Variants in OR2V2 observed in about 807,000 individuals in gnomAD.
OR2V2 encodes the protein olfactory receptor family 2 subfamily V member 2.
For missense variants in OR2V2, 392 were observed against 392.2 expected (o/e 1.00, Z 0.00); for synonymous variants, 161 against 151.3 (o/e 1.06, Z -0.47).
intron 1 of OR2V2, among the ~76,000 whole-genome samples, chr5:181,151,849 G>C (rs115868127): frequency 0.022 from 3,320 of 152,008 alleles, 59 homozygotes; most frequent in Middle Eastern, 0.044. Context: ...GCTAGGTGTG[G>C]TGGTGTGCGC....
intron 1 of OR2V2, among the ~76,000 whole-genome samples, chr5:181,151,107 G>A (rs766771632): frequency 1.3e-5 from 2 of 152,206 alleles, no homozygotes; most frequent in African/African-American, 2.4e-5. Flanking sequence ...CAGAAGACAC[G>A]TGGGGGAGAC....
chr5:181,155,230 G>A lies in OR2V2; in HGVS notation c.288G>A (p.Val96=). ...FLSGRKSISF[V]GCGIQIGLFV... ...CTGGCAGGAAGTCCATCTCCTTTGT[G>A]GGCTGTGGCATACAAATTGGCCTCT... The change falls in exon 2 of 2, where the codon GTG becomes GTA. Residue 96 remains valine (V), a synonymous_variant. Coordinates refer to ENST00000641492, the MANE Select transcript of OR2V2 (RefSeq NM_206880.2). The A allele has an allele frequency of 6.2e-7, 1 of 1,613,894 alleles. No individual in the cohort carries two copies.
rs116553884 is a variant in OR2V2 at position 181,150,271 on chromosome 5, C to T, written c.-25+2276C>T. On this transcript the variant is annotated intron_variant, in intron 1 of 1. Transcript: ENST00000641492. ...TGGGCAGGCGCATAAGAGTTGAGGA[C>T]ATTACTCCAGCTCTTTGCACAAAGA... Among the ~76,000 whole-genome samples, 494 of 152,330 alleles carry T rather than the reference C, an allele frequency of 3.2e-3. 4 individuals are homozygous for T. The highest frequency in any genetic ancestry group is 0.011 in the African/African-American group (467 of 41,576).
rs1763296258 is a variant in OR2V2 at position 181,158,562 on chromosome 5, G to C, written c.*2672G>C. On this transcript the variant is annotated 3_prime_UTR_variant, in exon 2 of 2. Coordinates refer to ENST00000641492, the MANE Select transcript of OR2V2 (RefSeq NM_206880.2). Reference sequence around the variant, plus strand: ...GGATTGCTTGAGCTTAGGAGGCTGAGGCTGCAATGACCCATGATCATGCCA... The same window carrying C: ...GGATTGCTTGAGCTTAGGAGGCTGACGCTGCAATGACCCATGATCATGCCA... The C allele has an allele frequency of 2.0e-5, 3 of 152,218 alleles. No individual in the cohort carries two copies. The highest frequency in any genetic ancestry group is 4.4e-5 in the Non-Finnish European group (3 of 68,058). The allele number at this position is 152,218 out of a possible 1,614,324, so 9.4% of individuals were successfully genotyped here. A position where few individuals can be genotyped will look rare whatever the true frequency, so the allele number is the denominator to read the frequency against.
In OR2V2 at chr5:181,154,851, GAA is replaced by G. The variant is rs558599803; in HGVS notation, c.-24-67_-24-66del. The G allele has an allele frequency of 4.4e-4, 391 of 883,612 alleles. 2 individuals carry two copies. The African/African-American group carries it at 6.0e-3, about 14-fold the overall frequency. The allele number at this position is 883,612 out of a possible 1,614,324, so 54.7% of individuals were successfully genotyped here. A position where few individuals can be genotyped will look rare whatever the true frequency, so the allele number is the denominator to read the frequency against. On this transcript the variant is annotated intron_variant, in intron 1 of 1. Coordinates refer to ENST00000641492, the MANE Select transcript of OR2V2 (RefSeq NM_206880.2). Reference sequence around the variant, plus strand: ...TGAGTTGCACACAACACAGCTGACTGAAGACATAGCAGCAGAGGTCTATAAAG... The same window carrying G: ...TGAGTTGCACACAACACAGCTGACTGGACATAGCAGCAGAGGTCTATAAAG...
rs780989859 is a variant in OR2V2 at position 181,155,802 on chromosome 5, A to G, written c.860A>G (p.Asn287Ser). The change falls in exon 2 of 2, where the codon AAC becomes AGC. Residue 287 changes from asparagine to serine, a missense_variant. Transcript: ENST00000641492. Reference protein sequence around the residue: ...IFYTVLTPMLNPLIYSLRNRE... With the variant: ...IFYTVLTPMLSPLIYSLRNRE... The stretch of plus-strand genomic sequence containing the variant: ...TACACGGTCCTTACTCCCATGCTCA[A>G]CCCCCTCATTTACAGCTTGAGGAAC... The G allele has an allele frequency of 1.3e-5, 21 of 1,613,690 alleles. No individual in the cohort carries two copies. The highest frequency in any genetic ancestry group is 1.7e-5 in the Non-Finnish European group (20 of 1,179,944).
intron 1 of OR2V2, among the ~76,000 whole-genome samples, 152 bp downstream of exon 1, chr5:181,148,147 G>A (rs1763148207): frequency 6.6e-6 from 1 of 152,046 alleles, no homozygotes; most frequent in African/African-American, 2.4e-5. Flanking sequence ...GGATTTTTGG[G>A]GGGGCATCCG....
At chr5:181,152,209 C>T (rs542015820) in intron 1 of OR2V2, among the ~76,000 whole-genome samples, 2 of 152,284 alleles carry the variant, frequency 1.3e-5, no homozygotes, top group South Asian at 4.1e-4. Flanking sequence ...AACGGAGGCT[C>T]TGAGAAGCTG....
In OR2V2 at chr5:181,155,361, G is replaced by T. The variant is rs760468337; in HGVS notation, c.419G>T (p.Arg140Met). Residue 140 changes from arginine (R) to methionine (M), a missense_variant, in exon 2 of 2, where the codon AGG becomes ATG. Physicochemically the swap from Arg to Met is moderately conservative, Grantham distance 91 (BLOSUM62 -1). Transcript: ENST00000641492. Reference sequence around the variant, plus strand: ...CACTATCCCATCCTCATGAATCAGAGGGTCTGTCTCCAGATTACTGGGAGC... The same window carrying T: ...CACTATCCCATCCTCATGAATCAGATGGTCTGTCTCCAGATTACTGGGAGC... The part of the protein sequence containing the change: ...PLHYPILMNQ[R>M]VCLQITGSSW... 28 of 1,614,028 alleles carry T rather than the reference G, an allele frequency of 1.7e-5. No homozygotes were observed. The highest frequency in any genetic ancestry group is 2.3e-5 in the Non-Finnish European group (27 of 1,180,026).
Position 181,153,092 on chromosome 5 carries a change from G to A in OR2V2, c.-24-1827G>A, listed in dbSNP as rs144672458. On this transcript the variant is annotated intron_variant, in intron 1 of 1. Coordinates refer to ENST00000641492, the MANE Select transcript of OR2V2 (RefSeq NM_206880.2). ...TAAAGGGACAAACAAATCGGAAGGA[G>A]GCAAATGAGAAATAGAACATGAAAA... Among the ~76,000 whole-genome samples, 290 of 152,332 alleles carry A rather than the reference G, an allele frequency of 1.9e-3. 2 individuals are homozygous for A. Among genetic ancestry groups the A allele is most frequent in the African/African-American group, 6.7e-3 (279 of 41,574 alleles).
chr5:181,154,886 A>T, intron 1 of OR2V2, 33 bp from the exon 2 acceptor site: 1 of 1,162,810 alleles, frequency 8.6e-7, no homozygotes, highest in Non-Finnish European at 1.3e-6. Context: ...AAGAGATGTC[A>T]GTCAATGTAA....
chr5:181,154,620 T>C (rs1561630737), intron 1 of OR2V2, among the ~76,000 whole-genome samples: 2 of 150,324 alleles, frequency 1.3e-5, no homozygotes, highest in Middle Eastern at 3.5e-3. Context: ...CTGTATCATA[T>C]GGTACAGCCA....
Position 181,155,167 on chromosome 5 carries a change from C to A in OR2V2, c.225C>A (p.Val75=), listed in dbSNP as rs768787248. 90 of 1,614,076 alleles carry A rather than the reference C, an allele frequency of 5.6e-5. No individual in the cohort carries two copies. The highest frequency in any genetic ancestry group is 5.9e-6 in the Non-Finnish European group (7 of 1,180,058). The change falls in exon 2 of 2, where the codon GTC becomes GTA. Residue 75 remains valine (V), a synonymous_variant. Coordinates refer to ENST00000641492, the MANE Select transcript of OR2V2 (RefSeq NM_206880.2). ...SQLSLMDLML[V]CTNVPKMAAN... is the part of the protein sequence containing the mutation. ...TCTCCCTCATGGACCTCATGTTGGT[C>A]TGTACCAATGTGCCAAAGATGGCAG...
chr5:181,151,857 C>T (rs991765210), intron 1 of OR2V2, among the ~76,000 whole-genome samples: 2 of 151,652 alleles, frequency 1.3e-5, no homozygotes, highest in African/African-American at 2.4e-5. Flanking sequence ...TGGTGGTGTG[C>T]GCCTGTAGTA....
rs1561631532 is a variant in OR2V2 at position 181,156,073 on chromosome 5, T to TCTTTC, written c.*183_*184insCTTTC. The TCTTTC allele has an allele frequency of 4.1e-5, 14 of 344,356 alleles. No individual in the cohort carries two copies. Among genetic ancestry groups the TCTTTC allele is most frequent in the Middle Eastern group, 6.6e-4 (1 of 1,518 alleles). The allele number at this position is 344,356 out of a possible 1,614,324, so 21.3% of individuals were successfully genotyped here. On this transcript the variant is annotated 3_prime_UTR_variant, in exon 2 of 2. Coordinates refer to ENST00000641492, the MANE Select transcript of OR2V2 (RefSeq NM_206880.2). ...TTCTTTCTTTCTTTCTTTCTTTCTT[T>TCTTTC]TGTTCTTTCTTTCGTTCTTTCTTTC...
Position 181,155,064 on chromosome 5 carries a change from G to C in OR2V2, c.122G>C (p.Cys41Ser). 6.2e-7 allele frequency: 1 copy of C among 1,614,130 alleles called. No individual in the cohort carries two copies. Among genetic ancestry groups the C allele is most frequent in the South Asian group, 1.1e-5 (1 of 91,080 alleles). The part of the protein sequence containing the change: ...VVMAVFTVAL[C>S]GNVLLIFLIY... ...ATGGCGGTCTTCACAGTGGCCCTCT[G>C]TGGGAATGTCCTCCTCATCTTCCTC... is the stretch of plus-strand genomic sequence containing the variant. The change falls in exon 2 of 2, where the codon TGT (cysteine) becomes TCT (serine). Residue 41 changes from cysteine (C) to serine (S), a missense_variant. Cys to Ser is a moderately radical substitution (Grantham distance 112). Transcript: ENST00000641492.
chr5:181,155,490 T>A lies in OR2V2; in HGVS notation c.548T>A (p.Leu183Gln). The change falls in exon 2 of 2, where the codon CTA becomes CAA. Residue 183 changes from leucine (L) to glutamine (Q), a missense_variant. Transcript: ENST00000641492. The part of the protein sequence containing the change: ...RKVNHFFCEM[L>Q]SLLKLACVDT... The stretch of plus-strand genomic sequence containing the variant: ...GTGAACCATTTCTTCTGTGAGATGC[T>A]ATCCTTGTTGAAGCTGGCCTGTGTA... The A allele has an allele frequency of 6.2e-7, 1 of 1,614,218 alleles. No individual in the cohort carries two copies. The highest frequency in any genetic ancestry group is 8.5e-7 in the Non-Finnish European group (1 of 1,180,034).
rs1219815975 is a variant in OR2V2 at position 181,156,051 on chromosome 5, TTTCTTTCTTTCTTTCTTTCTTTTG to T, written c.*173_*196del. On this transcript the variant is annotated 3_prime_UTR_variant, in exon 2 of 2. Coordinates refer to ENST00000641492, the MANE Select transcript of OR2V2 (RefSeq NM_206880.2). ...AAACACTACATCAGTTCTTTCTTTC[TTTCTTTCTTTCTTTCTTTCTTTTG>T]TTCTTTCTTTCGTTCTTTCTTTCTC... The T allele has an allele frequency of 1.9e-6, 1 of 531,040 alleles. No homozygotes were observed. The highest frequency in any genetic ancestry group is 2.1e-5 in the African/African-American group (1 of 47,128). 32.9% of individuals were successfully genotyped at this position (531,040 alleles called of 1,614,324 possible).
At chr5:181,151,420 C>T (rs1763189335) in intron 1 of OR2V2, among the ~76,000 whole-genome samples, 1 of 152,150 alleles carries the variant, frequency 6.6e-6, no homozygotes, top group Admixed American at 6.5e-5. Context: ...CTGGGTGAAG[C>T]CAGGGACCAA....
Sources: allele counts gnomAD v4.1 joint callset (sites outside exome capture counted in the v4.1 genomes callset), GRCh38; gene constraint gnomAD v4.1.1; transcripts MANE v1.5; gene names NCBI Gene and HGNC (gene_info 2026-07-23, HGNC 2026-07-21).